Variants in FAAH2 observed in about 807,000 individuals in gnomAD.
FAAH2 encodes the protein fatty acid amide hydrolase 2.
FAAH2 carries 60 observed loss-of-function variants against 36.9 expected under a neutral mutation model. That is an observed-to-expected ratio of 1.63 (90% CI 1.32 to 2.02). The LOEUF (loss-of-function observed/expected upper bound fraction) is 2.02. Among genes scored for constraint, FAAH2 ranks in the 30% most tolerant of loss-of-function variants. FAAH2 has a pLI of 0.00. For missense variants in FAAH2, 689 were observed against 397.5 expected (o/e 1.73, Z -6.23); for synonymous variants, 214 against 143.8 (o/e 1.49, Z -3.49).
At chrX:57,338,900 A>G (rs988277445) in intron 4 of FAAH2, among the ~76,000 whole-genome samples, 14 of 109,950 alleles carry the variant, frequency 1.3e-4, no homozygotes, top group South Asian at 3.9e-4. Flanking sequence ...GAGAATTAGG[A>G]AAAAAAAACC....
At chrX:57,145,253 T>TGG in the FAAH2 span, among the ~76,000 whole-genome samples, 8,386 of 102,137 alleles carry the variant, frequency 0.082, 1,294 homozygotes, top group African/African-American at 0.31. Flanking sequence ...ATCATTCTTT[T>TGG]GGGGGGGGGT....
intron 10 of FAAH2, among the ~76,000 whole-genome samples, chrX:57,451,342 C>T (rs189168856): frequency 4.4e-4 from 49 of 112,007 alleles, no homozygotes; most frequent in African/African-American, 1.5e-3. Context: ...CCTTCTCCTA[C>T]TTTGCTCCAT....
At chrX:57,347,626 T>G (rs889392680) in intron 5 of FAAH2, among the ~76,000 whole-genome samples, 6 of 91,944 alleles carry the variant, frequency 6.5e-5, no homozygotes, top group South Asian at 5.8e-4. Flanking sequence ...TTTTTTTTTT[T>G]TTTTTTTTTT....
chrX:57,332,515 A>G (rs2053436489), intron 4 of FAAH2, among the ~76,000 whole-genome samples: 1 of 112,468 alleles, frequency 8.9e-6, no homozygotes, highest in South Asian at 3.7e-4. Flanking sequence ...ACAGGCAGAT[A>G]CAAAGAAGTG....
intron 10 of FAAH2, among the ~76,000 whole-genome samples, chrX:57,449,888 A>T (rs1476286048): frequency 9.1e-6 from 1 of 109,603 alleles, no homozygotes; most frequent in Non-Finnish European, 1.9e-5. Context: ...CTGGTCTTGA[A>T]CTCCTGACCT....
chrX:57,472,471 G>A (rs1364952269), intron 10 of FAAH2, among the ~76,000 whole-genome samples: 3 of 111,625 alleles, frequency 2.7e-5, no homozygotes, highest in Middle Eastern at 4.6e-3. Context: ...TTTTAATATC[G>A]TGGAGATACT....
At position 57,359,095 on chromosome X, in the gene FAAH2, C is replaced by G. The variant is rs748927665; in HGVS notation, c.742+17705C>G. Among the ~76,000 whole-genome samples the G allele has an allele frequency of 2.7e-5, 3 of 110,973 alleles. No homozygotes were observed. In the East Asian group the frequency reaches 8.5e-4, roughly 32 times the overall value. The stretch of plus-strand genomic sequence containing the variant: ...TGTACAATATATTACTGTTGACTGA[C>G]TGTAGTCACACTGTTGTGCTATCAT... On this transcript the variant is annotated intron_variant, in intron 5 of 10. Coordinates refer to ENST00000374900, the MANE Select transcript of FAAH2 (RefSeq NM_174912.4).
chrX:57,274,823 G>C, the FAAH2 span, among the ~76,000 whole-genome samples: 1 of 111,798 alleles, frequency 8.9e-6, no homozygotes, highest in Non-Finnish European at 1.9e-5. Flanking sequence ...AAAACTGGAA[G>C]CATTTCCTTT....
chrX:57,319,624 C>T (rs2052954855), intron 3 of FAAH2, among the ~76,000 whole-genome samples: 1 of 111,679 alleles, frequency 9.0e-6, no homozygotes, highest in South Asian at 3.7e-4. Flanking sequence ...CAATGCTATC[C>T]CCATTGAACT....
chrX:57,123,695 C>G, the FAAH2 span, among the ~76,000 whole-genome samples: 95 of 112,375 alleles, frequency 8.5e-4, 1 homozygote, highest in African/African-American at 3.0e-3. Context: ...GATCGCCATT[C>G]TAACAGGTGT....
rs376568536 is a variant in FAAH2 at position 57,488,906 on chromosome X, G to A, written c.1573G>A (p.Gly525Ser). 9 of 1,208,246 alleles carry A rather than the reference G, an allele frequency of 7.4e-6. No individual in the cohort carries two copies. In the African/African-American group the frequency reaches 1.2e-4, roughly 17 times the overall value. The change falls in exon 11 of 11, where the codon GGC (glycine) becomes AGC (serine). Residue 525 changes from glycine to serine, a missense_variant. Gly to Ser is a moderately conservative substitution (Grantham distance 56). Transcript: ENST00000374900. ...VAQYLEKTFG[G>S]WVCPGKF ...CCAGTACTTGGAGAAAACTTTTGGGGGCTGGGTCTGTCCAGGAAAGTTTTA... is the reference window on the plus strand; with the variant it reads ...CCAGTACTTGGAGAAAACTTTTGGGAGCTGGGTCTGTCCAGGAAAGTTTTA...
intron 4 of FAAH2, among the ~76,000 whole-genome samples, chrX:57,333,681 A>G (rs1291498641): frequency 2.7e-5 from 3 of 111,552 alleles, no homozygotes; most frequent in Non-Finnish European, 5.7e-5. Context: ...ACCTTCGGTG[A>G]TGTGGAAGAT....
the FAAH2 span, among the ~76,000 whole-genome samples, chrX:57,141,613 A>G: frequency 9.0e-6 from 1 of 111,234 alleles, no homozygotes; most frequent in East Asian, 2.8e-4. Context: ...CTCATTACCT[A>G]TTATTGGTCC....
the FAAH2 span, among the ~76,000 whole-genome samples, chrX:57,180,822 T>A: frequency 9.0e-6 from 1 of 111,010 alleles, no homozygotes; most frequent in African/African-American, 3.3e-5. Context: ...CTAGCAGAAA[T>A]ACAATAACAA....
chrX:57,447,947 T>C (rs1212982136), intron 9 of FAAH2, among the ~76,000 whole-genome samples: 1 of 112,309 alleles, frequency 8.9e-6, no homozygotes, highest in Non-Finnish European at 1.9e-5. Context: ...AAAATGGGTT[T>C]TTCTTTTCTA....
At chrX:57,421,198 C>A (rs761938893) in intron 7 of FAAH2, among the ~76,000 whole-genome samples, 141 of 112,193 alleles carry the variant, frequency 1.3e-3, no homozygotes, top group Non-Finnish European at 2.4e-3. Context: ...TTAATCCCAG[C>A]ACTTTGGGAG....
chrX:57,200,877 A>AT, the FAAH2 span, among the ~76,000 whole-genome samples: 7 of 110,401 alleles, frequency 6.3e-5, no homozygotes, highest in Admixed American at 3.8e-4. Context: ...CCATCTGATG[A>AT]TTTTTTATTG....
chrX:57,203,448 T>C, the FAAH2 span, among the ~76,000 whole-genome samples: 1 of 111,991 alleles, frequency 8.9e-6, no homozygotes, highest in Non-Finnish European at 1.9e-5. Context: ...ATCATGAACA[T>C]GTCACGGTGC....
intron 7 of FAAH2, among the ~76,000 whole-genome samples, chrX:57,421,305 G>T (rs907548455): frequency 4.5e-5 from 5 of 111,960 alleles, no homozygotes; most frequent in Admixed American, 9.5e-5. Context: ...TTATCCAGGT[G>T]TGGTGGTGTG....
Sources: allele counts gnomAD v4.1 joint callset (sites outside exome capture counted in the v4.1 genomes callset), GRCh38; gene constraint gnomAD v4.1.1; transcripts MANE v1.5; gene names NCBI Gene and HGNC (gene_info 2026-07-23, HGNC 2026-07-21).